COL16A1: variants seen among roughly 807,000 people sequenced by gnomAD.
COL16A1 encodes the protein collagen alpha-1(XVI) chain.
In COL16A1, 189 loss-of-function variants were observed where a neutral mutation model predicts 266.3. That is an observed-to-expected ratio of 0.71 (90% CI 0.63 to 0.80). The LOEUF (loss-of-function observed/expected upper bound fraction) is 0.80, where lower values mean the gene tolerates loss of function less well. COL16A1 is among the 30% of genes least tolerant of loss of function. The pLI is 0.00. For missense variants in COL16A1, 1,928 were observed against 2,122.4 expected, an observed-to-expected ratio of 0.91 and a Z score of 1.80; for synonymous variants, 740 against 782.3, an observed-to-expected ratio of 0.95 and a Z score of 0.90.
chr1:31,684,616 A>G lies in COL16A1; in HGVS notation c.2067T>C (p.Asn689=), dbSNP rs773284239. The G allele has an allele frequency of 3.1e-6, 5 of 1,613,708 alleles. No homozygotes were observed. Among genetic ancestry groups the G allele is most frequent in the Non-Finnish European group, 3.4e-6 (4 of 1,179,930 alleles). The stretch of plus-strand genomic sequence containing the variant: ...TGCCCGGCGTTCCAGGGTCTCCAGG[A>G]TTCCCAGCATCACCCTGTAAGGAGT... ...GLKGQKGDAG[N]PGDPGTPGTT... Residue 689 remains asparagine, a synonymous_variant, in exon 31 of 71, where the codon AAT becomes AAC. Transcript: ENST00000373672.
chr1:31,694,220 C>T, intron 11 of COL16A1, 50 bp from the exon 12 acceptor site: 1 of 1,523,352 alleles, frequency 6.6e-7, no homozygotes, highest in South Asian at 1.3e-5. Context: ...GAGAGAAAAC[C>T]AGGGGCCCAG....
At chr1:31,684,759 A>G (rs1643888605) in intron 30 of COL16A1, 62 bp downstream of exon 30, 3 of 1,612,712 alleles carry the variant, frequency 1.9e-6, no homozygotes, top group African/African-American at 1.3e-5. Flanking sequence ...GAGGAAAATG[A>G]GGCAAGGAGG....
At position 31,686,115 on chromosome 1, in the gene COL16A1, C is replaced by A. The variant is rs541616679; in HGVS notation, c.1860G>T (p.Gly620=). 6 of 1,614,150 alleles carry A rather than the reference C, an allele frequency of 3.7e-6. No homozygotes were observed. In the East Asian group the frequency reaches 1.1e-4, roughly 30 times the overall value. ...CCTTCGCCCCTTTGATGCCTGCTGG[C>A]CCCACTGGTCCTGGTGGCCCCTGCA... ...AGSPGPPGPV[G]PAGIKGAKGE... is the part of the protein sequence containing the mutation. The change falls in exon 28 of 71, where the codon GGG becomes GGT. Residue 620 remains glycine, a synonymous_variant. Transcript: ENST00000373672.
intron 34 of COL16A1, 63 bp from the exon 35 acceptor site, chr1:31,683,432 G>T (rs1643789336): frequency 2.6e-5 from 42 of 1,611,818 alleles, no homozygotes; most frequent in Non-Finnish European, 3.5e-5. Flanking sequence ...CACTGGCCCT[G>T]CCGCACCGGC....
At chr1:31,694,318 ACTAGCAAG>A (rs1644403402) in intron 11 of COL16A1, 148 bp from the exon 12 acceptor site, 1 of 577,650 alleles carries the variant, frequency 1.7e-6, no homozygotes, top group East Asian at 3.3e-5. Flanking sequence ...TCCCAGGCAA[ACTAGCAAG>A]CCGATTCCAT....
At position 31,656,682 on chromosome 1, in the gene COL16A1, G is replaced by A. The variant is rs770116339; in HGVS notation, c.4057-238C>T. Among the ~76,000 whole-genome samples, 9 of 152,184 alleles carry A rather than the reference G, an allele frequency of 5.9e-5. No individual in the cohort carries two copies. Among genetic ancestry groups the A allele is most frequent in the Non-Finnish European group, 1.3e-4 (9 of 68,022 alleles). On this transcript the variant is annotated intron_variant, in intron 65 of 70. Coordinates refer to ENST00000373672, the MANE Select transcript of COL16A1 (RefSeq NM_001856.4). The surrounding 1 kb of genome is among the most constrained non-coding windows in gnomAD (Gnocchi z 4.2). ...GCCCCCATCACAGATGAAGAGAGGC[G>A]AGAAGTCAGAATGAGAGGGCCAGTC...
chr1:31,658,806 G>A (rs1468805079), intron 63 of COL16A1, 108 bp downstream of exon 63: 1 of 1,328,670 alleles, frequency 7.5e-7, no homozygotes, highest in Non-Finnish European at 1.1e-6. Context: ...AGGGAAGGAG[G>A]GGATGAGACA....
chr1:31,680,771 T>A, intron 39 of COL16A1, 134 bp downstream of exon 39: 1 of 1,543,022 alleles, frequency 6.5e-7, no homozygotes. Context: ...GGCAGCTTCA[T>A]GTGCACAGGC....
intron 22 of COL16A1, among the ~76,000 whole-genome samples, chr1:31,690,166 G>A (rs979365944): frequency 3.3e-5 from 5 of 152,212 alleles, no homozygotes; most frequent in Admixed American, 2.0e-4. Context: ...TGTGTGTGGT[G>A]GAGGCAGAGT....
Position 31,691,998 on chromosome 1 carries a change from C to A in COL16A1, c.1257+7G>T. The A allele has an allele frequency of 6.2e-7, 1 of 1,613,754 alleles. No homozygotes were observed. Among genetic ancestry groups the A allele is most frequent in the Non-Finnish European group, 8.5e-7 (1 of 1,179,986 alleles). Reference sequence around the variant, plus strand: ...GGTTGTGGTGGGGAAGGGTCCCAGGCACCTACGTCCCGGCCTGGCTTTCCC... The same window carrying A: ...GGTTGTGGTGGGGAAGGGTCCCAGGAACCTACGTCCCGGCCTGGCTTTCCC... On this transcript the variant is annotated splice_region_variant and intron_variant, in intron 17 of 70. Coordinates refer to ENST00000373672, the MANE Select transcript of COL16A1 (RefSeq NM_001856.4).
intron 23 of COL16A1, 69 bp from the exon 24 acceptor site, chr1:31,689,154 T>C (rs1354423159): frequency 1.2e-6 from 2 of 1,609,748 alleles, no homozygotes; most frequent in East Asian, 2.2e-5. Flanking sequence ...CCTGGCAATA[T>C]GCGAGGACAG....
Position 31,656,494 on chromosome 1 carries a change from C to T in COL16A1, c.4057-50G>A. The T allele has an allele frequency of 6.2e-7, 1 of 1,601,630 alleles. No individual in the cohort carries two copies. Among genetic ancestry groups the T allele is most frequent in the Non-Finnish European group, 8.5e-7 (1 of 1,174,392 alleles). On this transcript the variant is annotated intron_variant, in intron 65 of 70. Transcript: ENST00000373672. This position sits in a 1 kb window ranked among gnomAD's most constrained non-coding sequence, Gnocchi z 4.2. ...TGAAGTCCGGGCAGCATCTCTGAGG[C>T]TCCCTGGGGAGGCAGGTGCAGTGAA... is the stretch of plus-strand genomic sequence containing the variant.
rs139492656 is a variant in COL16A1 at position 31,668,263 on chromosome 1, G to A, written c.3250-45C>T. On this transcript the variant is annotated intron_variant, in intron 50 of 70. Transcript: ENST00000373672. This position sits in a 1 kb window ranked among gnomAD's most constrained non-coding sequence, Gnocchi z 5.8. ...TGATGGATAGCCCCCCAACATTTCTGTTCTCCCCTCGCTGGGTAAGAGGAT... is the reference window on the plus strand; with the variant it reads ...TGATGGATAGCCCCCCAACATTTCTATTCTCCCCTCGCTGGGTAAGAGGAT... 1.2e-4 allele frequency: 187 copies of A among 1,599,894 alleles called. 3 individuals are homozygous for A. The East Asian group carries it at 4.2e-3, about 36-fold the overall frequency.
At chr1:31,674,233 G>C (rs957022312) in intron 44 of COL16A1, among the ~76,000 whole-genome samples, 1 of 152,154 alleles carries the variant, frequency 6.6e-6, no homozygotes, top group East Asian at 1.9e-4. Flanking sequence ...GCCAGGATGA[G>C]GGGGGGCTCT....
chr1:31,688,966 C>T lies in COL16A1; in HGVS notation c.1662G>A (p.Glu554=), dbSNP rs776140219. The change falls in exon 25 of 71, where the codon GAG becomes GAA. Residue 554 remains glutamate, a synonymous_variant. Coordinates refer to ENST00000373672, the MANE Select transcript of COL16A1 (RefSeq NM_001856.4). The surrounding 1 kb of genome is among the most constrained non-coding windows in gnomAD (Gnocchi z 4.9). ...CAACCGAGCTGCAGGACAAGCAGGG[C>T]TCCCCCTGGGGAAAGAAGAGGAAGG... ...GIQGIKGEKG[E]PCLSCSSVVG... 5 of 1,614,106 alleles carry T rather than the reference C, an allele frequency of 3.1e-6. No individual in the cohort carries two copies. In the South Asian group the frequency reaches 5.5e-5, roughly 18 times the overall value.
chr1:31,653,410 A>C, intron 70 of COL16A1, 189 bp downstream of exon 70: 1 of 635,506 alleles, frequency 1.6e-6, no homozygotes, highest in Non-Finnish European at 2.6e-6. Context: ...AAGGACAGGT[A>C]CTGAGTCTTC....
At chr1:31,703,246 C>T (rs1045520420) in intron 1 of COL16A1, among the ~76,000 whole-genome samples, 1 of 152,218 alleles carries the variant, frequency 6.6e-6, no homozygotes, top group Non-Finnish European at 1.5e-5. Context: ...AGTTCTAATG[C>T]AAGTCTGACT....
chr1:31,665,923 C>T lies in COL16A1; in HGVS notation c.3415G>A (p.Glu1139Lys), dbSNP rs1284678992. 1.2e-6 allele frequency: 2 copies of T among 1,614,170 alleles called. No individual in the cohort carries two copies. Among genetic ancestry groups the T allele is most frequent in the Non-Finnish European group, 1.7e-6 (2 of 1,180,022 alleles). Reference protein sequence around the residue: ...GPPGPAGPRGERGPQGNSGEK... With the variant: ...GPPGPAGPRGKRGPQGNSGEK... ...CCGGAGTTACCTTGGGGTCCTCGCT[C>T]TCCTCTGGGACCCTGTCACCCACAG... The change falls in exon 54 of 71, where the codon GAG (glutamate) becomes AAG (lysine). Residue 1139 changes from glutamate (E) to lysine (K), a missense_variant. Physicochemically the swap from Glu to Lys is moderately conservative, Grantham distance 56. Transcript: ENST00000373672.
rs79248825 is a variant in COL16A1, at chr1:31,700,158, A to C, written c.74-43T>G. The C allele has an allele frequency of 3.7e-3, 5,940 of 1,599,092 alleles. 164 individuals carry two copies. The African/African-American group carries it at 0.068, about 18-fold the overall frequency. ...GGGGGGCATTAGGTGCGCTCAGGCCAAGGTTGCTGCACGGCTGGACGCCTG... is the reference window on the plus strand; with the variant it reads ...GGGGGGCATTAGGTGCGCTCAGGCCCAGGTTGCTGCACGGCTGGACGCCTG... On this transcript the variant is annotated intron_variant, in intron 2 of 70. Transcript: ENST00000373672.
Sources: gnomAD v4.1 joint callset for allele counts (sites outside exome capture counted in the v4.1 genomes callset) on GRCh38, gnomAD v4.1.1 for gene constraint, Gnocchi (gnomAD v3.1) non-coding constraint, MANE v1.5 for transcripts, NCBI Gene and HGNC (gene_info 2026-07-23, HGNC 2026-07-21) for gene names.